Variants in DSCAML1 observed in about 807,000 individuals in gnomAD.
The protein encoded by DSCAML1 is cell adhesion molecule DSCAML1.
In DSCAML1, 38 loss-of-function variants were observed where a neutral mutation model predicts 200.5. That is an observed-to-expected ratio of 0.19 (90% CI 0.15 to 0.25). The LOEUF (loss-of-function observed/expected upper bound fraction) is 0.25. DSCAML1 is among the 10% of genes least tolerant of loss of function. The probability of loss-of-function intolerance (pLI) is 1.00; values close to 1 mark genes in which losing one functional copy is unlikely to be tolerated. For synonymous variants in DSCAML1, 1,215 were observed against 1,165.0 expected (o/e 1.04, Z -0.87); for missense variants, 2,223 against 2,858.8 (o/e 0.78, Z 5.07).
At chr11:117,650,679 G>T (rs1318615818) in intron 3 of DSCAML1, among the ~76,000 whole-genome samples, 1 of 136,468 alleles carries the variant, frequency 7.3e-6, no homozygotes, top group African/African-American at 2.6e-5. Context: ...GTGTGTGTGT[G>T]TGTGTGTGTG....
rs759411045 is a variant in DSCAML1 at position 117,431,011 on chromosome 11, C to T, written c.5397G>A (p.Val1799=). ...QDTDKGRNSM[V]STESASSTYE... ...AGGTGGAAGAGGCACTCTCAGTGGA[C>T]ACCATGCTGTTCCTTCCTTTGTCTG... Residue 1799 remains valine (V), a synonymous_variant, in exon 32 of 33, where the codon GTG becomes GTA. Coordinates refer to ENST00000651296, the MANE Select transcript of DSCAML1 (RefSeq NM_020693.4). 8 of 1,613,486 alleles carry T rather than the reference C, an allele frequency of 5.0e-6. No homozygotes were observed. In the South Asian group the frequency reaches 7.7e-5, roughly 16 times the overall value.
At chr11:117,684,435 T>TAAAAAAAAAAAAAAAAAA (rs149958154) in intron 3 of DSCAML1, among the ~76,000 whole-genome samples, 6 of 74,592 alleles carry the variant, frequency 8.0e-5, no homozygotes, top group Admixed American at 1.8e-4. Flanking sequence ...TTTCATTAAC[T>TAAAAAAAAAAAAAAAAAA]AAAAAAAAAA....
chr11:117,553,286 G>A (rs1246318544), intron 3 of DSCAML1, among the ~76,000 whole-genome samples: 1 of 152,142 alleles, frequency 6.6e-6, no homozygotes, highest in African/African-American at 2.4e-5. Flanking sequence ...TAGATAAATT[G>A]GACATCATCA....
chr11:117,637,487 AG>A (rs2052316184), intron 3 of DSCAML1, among the ~76,000 whole-genome samples: 1 of 151,910 alleles, frequency 6.6e-6, no homozygotes, highest in African/African-American at 2.4e-5. Context: ...CTGGGATTAC[AG>A]GCACCCACCA....
intron 3 of DSCAML1, among the ~76,000 whole-genome samples, chr11:117,539,002 G>T (rs1196874774): frequency 6.6e-6 from 1 of 152,154 alleles, no homozygotes; most frequent in Non-Finnish European, 1.5e-5. Flanking sequence ...TTCAATCCAC[G>T]TCAGATCCTG....
Position 117,780,252 on chromosome 11 carries a change from G to GAAAGAAAGAAAGAA in DSCAML1, c.364+227_364+240dup, listed in dbSNP as rs1565280819. 2.3e-4 allele frequency among the ~76,000 whole-genome samples: 16 copies of GAAAGAAAGAAAGAA among 70,244 alleles called. No homozygotes were observed. Among genetic ancestry groups the GAAAGAAAGAAAGAA allele is most frequent in the African/African-American group, 7.3e-4 (13 of 17,808 alleles). The allele number at this position is 70,244 out of a possible 152,430, so 46.1% of individuals were successfully genotyped here. On this transcript the variant is annotated intron_variant, in intron 2 of 32. Transcript: ENST00000651296. This position sits in a 1 kb window ranked among gnomAD's most constrained non-coding sequence, Gnocchi z 4.8. The stretch of plus-strand genomic sequence containing the variant: ...GAAAGGAAAGAAAGAAAGAAAGAAA[G>GAAAGAAAGAAAGAA]AAAGAAAGAAAGAAAGAAAGAAAGA...
chr11:117,816,061 T>C (rs1174393697), intron 1 of DSCAML1, among the ~76,000 whole-genome samples: 2 of 152,012 alleles, frequency 1.3e-5, no homozygotes, highest in African/African-American at 4.8e-5. Flanking sequence ...CAGTGTCAGG[T>C]TGAAGCTCTG....
At chr11:117,808,286 G>A (rs2055725891) in intron 1 of DSCAML1, among the ~76,000 whole-genome samples, 1 of 152,210 alleles carries the variant, frequency 6.6e-6, no homozygotes, top group African/African-American at 2.4e-5. Context: ...GAATTAGAAG[G>A]CCTTCGGACT....
chr11:117,745,180 G>T (rs1381583517), intron 3 of DSCAML1, among the ~76,000 whole-genome samples: 1 of 150,856 alleles, frequency 6.6e-6, no homozygotes, highest in African/African-American at 2.4e-5. Flanking sequence ...TGACAGCTGG[G>T]AGGGGCACGT....
chr11:117,698,762 G>T (rs1478078205), intron 3 of DSCAML1, among the ~76,000 whole-genome samples: 6 of 152,054 alleles, frequency 3.9e-5, no homozygotes, highest in Admixed American at 3.9e-4. Context: ...TCGGAATCTG[G>T]TTGTTTTAAA....
chr11:117,751,122 C>T (rs148691478), intron 3 of DSCAML1, among the ~76,000 whole-genome samples: 87 of 152,134 alleles, frequency 5.7e-4, no homozygotes, highest in African/African-American at 2.0e-3. Context: ...TGTGCGCAGG[C>T]GTGTTGTTGG....
At chr11:117,788,661 G>C (rs1336225121) in intron 1 of DSCAML1, among the ~76,000 whole-genome samples, 3 of 152,160 alleles carry the variant, frequency 2.0e-5, no homozygotes. Flanking sequence ...TTTGTGCCAG[G>C]CATGGTGGGA....
At chr11:117,692,351 C>T (rs971249085) in intron 3 of DSCAML1, among the ~76,000 whole-genome samples, 2 of 152,138 alleles carry the variant, frequency 1.3e-5, no homozygotes, top group African/African-American at 2.4e-5. Context: ...CAGTCTCACT[C>T]GGAGCCGTTC....
In DSCAML1 at chr11:117,430,749, C is replaced by G. The variant is rs1274442527; in HGVS notation, c.5659G>C (p.Val1887Leu). 6.2e-7 allele frequency: 1 copy of G among 1,613,594 alleles called. No individual in the cohort carries two copies. Among genetic ancestry groups the G allele is most frequent in the Non-Finnish European group, 8.5e-7 (1 of 1,179,818 alleles). Residue 1887 changes from valine to leucine, a missense_variant, in exon 32 of 33, where the codon GTG becomes CTG. Val to Leu is a conservative substitution (Grantham distance 32, BLOSUM62 1). Coordinates refer to ENST00000651296, the MANE Select transcript of DSCAML1 (RefSeq NM_020693.4). ...TTGTTGGCCCGGTGAGGGATGGGCA[C>G]AGCCACGTTTTTGCCCCGGTCCGCA... The part of the protein sequence containing the change: ...QDADRGKNVA[V>L]PIPHRANKSD...
At chr11:117,527,254 G>T (rs926410559) in intron 4 of DSCAML1, among the ~76,000 whole-genome samples, 6 of 152,308 alleles carry the variant, frequency 3.9e-5, no homozygotes, top group African/African-American at 1.4e-4. Context: ...ACTTCAGAAA[G>T]TATAGAAGAG....
chr11:117,570,310 G>T (rs973867258), intron 3 of DSCAML1, among the ~76,000 whole-genome samples: 5 of 152,180 alleles, frequency 3.3e-5, no homozygotes, highest in Admixed American at 3.3e-4. Context: ...AGGAATTGCA[G>T]TTCTGAGACT....
chr11:117,795,524 G>T (rs901783675), intron 1 of DSCAML1, among the ~76,000 whole-genome samples: 5 of 152,198 alleles, frequency 3.3e-5, no homozygotes, highest in African/African-American at 1.2e-4. Context: ...TGCGATGCGG[G>T]GGGCAAGGGG....
At chr11:117,594,238 T>C (rs1476649612) in intron 3 of DSCAML1, among the ~76,000 whole-genome samples, 1 of 152,196 alleles carries the variant, frequency 6.6e-6, no homozygotes, top group Non-Finnish European at 1.5e-5. Context: ...AAAAGTCTCC[T>C]GTTGTTTCTC....
At chr11:117,517,549 G>A (rs959670875) in intron 7 of DSCAML1, among the ~76,000 whole-genome samples, 3 of 152,186 alleles carry the variant, frequency 2.0e-5, no homozygotes, top group South Asian at 2.1e-4. Flanking sequence ...ACAGAGGAGA[G>A]GGCAGGAGGG....
Sources: allele counts gnomAD v4.1 joint callset (sites outside exome capture counted in the v4.1 genomes callset), GRCh38; gene constraint gnomAD v4.1.1; non-coding constraint Gnocchi (gnomAD v3.1); transcripts MANE v1.5; gene names NCBI Gene and HGNC (gene_info 2026-07-23, HGNC 2026-07-21).